Variants in TSHZ2 observed in about 807,000 individuals in gnomAD.
The protein encoded by TSHZ2 is teashirt zinc finger homeobox 2, also known as teashirt homolog 2.
Under a neutral mutation model 74.4 loss-of-function variants are expected in TSHZ2, and 21 were observed. That is an observed-to-expected ratio of 0.28 (90% CI 0.20 to 0.41). The LOEUF (loss-of-function observed/expected upper bound fraction) is 0.41. Ranked by LOEUF, TSHZ2 falls within the 10% of genes least tolerant of loss-of-function variation. TSHZ2 has a pLI of 1.00. For missense variants in TSHZ2, 1,244 were observed against 1,293.5 expected (o/e 0.96, Z 0.59); for synonymous variants, 540 against 515.3 (o/e 1.05, Z -0.65).
chr20:53,209,377 G>A (rs1271737341), intron 1 of TSHZ2, among the ~76,000 whole-genome samples: 1 of 152,198 alleles, frequency 6.6e-6, no homozygotes, highest in East Asian at 1.9e-4. Context: ...ATGAGCCACT[G>A]TGCGCTGCCA....
chr20:53,014,688 A>C (rs1982973672), intron 1 of TSHZ2, among the ~76,000 whole-genome samples: 2 of 151,944 alleles, frequency 1.3e-5, no homozygotes, highest in Admixed American at 1.3e-4. Flanking sequence ...TTTTGTATCT[A>C]TCTCTTGTTA....
At chr20:53,061,320 AG>A (rs1984815246) in intron 1 of TSHZ2, among the ~76,000 whole-genome samples, 1 of 152,226 alleles carries the variant, frequency 6.6e-6, no homozygotes, top group Non-Finnish European at 1.5e-5. Context: ...TGCGTCAGAG[AG>A]AGTCCATTGT....
At chr20:53,285,573 G>A (rs1293380934) in intron 2 of TSHZ2, among the ~76,000 whole-genome samples, 1 of 152,100 alleles carries the variant, frequency 6.6e-6, no homozygotes, top group African/African-American at 2.4e-5. Flanking sequence ...AGCTGGGCAT[G>A]GTGGTGCCTG....
chr20:53,050,103 GTATA>G (rs71897861), intron 1 of TSHZ2, among the ~76,000 whole-genome samples: 50,186 of 115,832 alleles, frequency 0.43, 11,966 homozygotes, highest in East Asian at 0.63. Context: ...GTATATGTGT[GTATA>G]TATATATATA....
chr20:53,079,882 T>C (rs1985480547), intron 1 of TSHZ2, among the ~76,000 whole-genome samples: 1 of 152,048 alleles, frequency 6.6e-6, no homozygotes, highest in Non-Finnish European at 1.5e-5. Context: ...TTGAATTATA[T>C]GTCCTAATAC....
intron 2 of TSHZ2, among the ~76,000 whole-genome samples, chr20:53,311,173 T>C (rs551764625): frequency 6.6e-6 from 1 of 152,290 alleles, no homozygotes; most frequent in African/African-American, 2.4e-5. Flanking sequence ...AAGAGGAAAA[T>C]TGCCTATAGT....
At chr20:52,979,126 A>C (rs1391687552) in intron 1 of TSHZ2, among the ~76,000 whole-genome samples, 1 of 152,174 alleles carries the variant, frequency 6.6e-6, no homozygotes, top group African/African-American at 2.4e-5. Context: ...TAAGAAAAAA[A>C]CACCATCTAT....
rs141710874 is a variant in TSHZ2, at chr20:53,216,894, C to A, written c.41-36605C>A. On this transcript the variant is annotated intron_variant, in intron 1 of 2. Coordinates refer to ENST00000371497, the MANE Select transcript of TSHZ2 (RefSeq NM_173485.6). ...CTCTCCCTGCAGCCCCTGGCAGCTC[C>A]TGGCGACTCACTTCACCGCCCGGAG... Among the ~76,000 whole-genome samples, 1,360 of 152,290 alleles carry A rather than the reference C, an allele frequency of 8.9e-3. 11 individuals are homozygous for A. Among genetic ancestry groups the A allele is most frequent in the Non-Finnish European group, 0.015 (1,053 of 68,028 alleles).
At chr20:53,082,368 G>A (rs1032592280) in intron 1 of TSHZ2, among the ~76,000 whole-genome samples, 8 of 152,172 alleles carry the variant, frequency 5.3e-5, no homozygotes, top group African/African-American at 1.9e-4. Flanking sequence ...AAGAAGCCTC[G>A]TGATTAAGTA....
intron 1 of TSHZ2, chr20:53,196,406 A>G (rs1988870766): frequency 6.7e-6 from 1 of 149,830 alleles, no homozygotes; most frequent in African/African-American, 2.5e-5. Context: ...GCTTTCAACA[A>G]ATTAGAATAC....
chr20:53,246,101 G>A (rs1003182995), intron 1 of TSHZ2, among the ~76,000 whole-genome samples: 2 of 149,212 alleles, frequency 1.3e-5, no homozygotes, highest in South Asian at 2.1e-4. Flanking sequence ...ATGCAGTGGC[G>A]TGATCTCAGC....
At chr20:53,086,523 G>A (rs1368274430) in intron 1 of TSHZ2, among the ~76,000 whole-genome samples, 1 of 152,082 alleles carries the variant, frequency 6.6e-6, no homozygotes, top group Non-Finnish European at 1.5e-5. Context: ...CCCCAAGTGT[G>A]TCTACCACAT....
At chr20:53,265,398 CG>C (rs1318763603) in intron 2 of TSHZ2, among the ~76,000 whole-genome samples, 1 of 151,896 alleles carries the variant, frequency 6.6e-6, no homozygotes, top group Non-Finnish European at 1.5e-5. Flanking sequence ...CAGGGACAGG[CG>C]GGGGTGCAGC....
intron 1 of TSHZ2, among the ~76,000 whole-genome samples, chr20:53,182,273 C>T (rs765319878): frequency 7.9e-6 from 1 of 126,880 alleles, no homozygotes; most frequent in South Asian, 3.1e-4. Flanking sequence ...TCCTTCTTCC[C>T]TCCCTCCTCC....
chr20:53,005,409 C>G (rs369734584), intron 1 of TSHZ2, among the ~76,000 whole-genome samples: 3 of 150,478 alleles, frequency 2.0e-5, no homozygotes, highest in African/African-American at 7.3e-5. Flanking sequence ...TGTAGATGTC[C>G]TGCCATCTGA....
intron 1 of TSHZ2, among the ~76,000 whole-genome samples, chr20:53,068,416 C>A (rs1402719887): frequency 6.6e-6 from 1 of 152,140 alleles, no homozygotes; most frequent in Non-Finnish European, 1.5e-5. Context: ...TGTGCCACTT[C>A]CCACTTTAGG....
chr20:53,077,564 T>TC (rs1272062245), intron 1 of TSHZ2, among the ~76,000 whole-genome samples: 3 of 152,008 alleles, frequency 2.0e-5, no homozygotes, highest in Non-Finnish European at 4.4e-5. Flanking sequence ...TAGGAGCAAT[T>TC]CTGGATGATC....
At chr20:53,025,152 T>TTATTG (rs57772713) in intron 1 of TSHZ2, among the ~76,000 whole-genome samples, 8,039 of 151,300 alleles carry the variant, frequency 0.053, 477 homozygotes, top group South Asian at 0.14. Flanking sequence ...AGACTATATA[T>TTATTG]TATTATATAT....
At chr20:53,342,473 T>G (rs903146451) in intron 2 of TSHZ2, among the ~76,000 whole-genome samples, 1 of 152,174 alleles carries the variant, frequency 6.6e-6, no homozygotes, top group Non-Finnish European at 1.5e-5. Context: ...AAGGGTTGAA[T>G]GGTAATTTGA....
Sources: allele counts gnomAD v4.1 joint callset (sites outside exome capture counted in the v4.1 genomes callset), GRCh38; gene constraint gnomAD v4.1.1; transcripts MANE v1.5; gene names NCBI Gene and HGNC (gene_info 2026-07-23, HGNC 2026-07-21).